Variants in IL1RAPL1 observed in about 807,000 individuals in gnomAD.
IL1RAPL1 encodes interleukin-1 receptor accessory protein-like 1.
A neutral mutation model predicts 48.4 loss-of-function variants in IL1RAPL1; 3 were observed. The observed-to-expected ratio is 0.06, with a 90% CI of 0.03 to 0.16. The LOEUF is 0.16. Among genes scored for constraint, IL1RAPL1 ranks in the 10% least tolerant of loss-of-function variants. The pLI is 1.00. For missense variants in IL1RAPL1, 349 were observed against 530.6 expected, an observed-to-expected ratio of 0.66 and a Z score of 3.36; for synonymous variants, 185 against 187.7, an observed-to-expected ratio of 0.99 and a Z score of 0.12.
chrX:28,871,205 C>T (rs1030316350), intron 2 of IL1RAPL1, among the ~76,000 whole-genome samples: 18 of 111,163 alleles, frequency 1.6e-4, no homozygotes, highest in Non-Finnish European at 7.6e-5. Context: ...GGAACATAAC[C>T]GTAAAAGGAA....
intron 5 of IL1RAPL1, among the ~76,000 whole-genome samples, chrX:29,537,500 A>G (rs1921271491): frequency 9.1e-6 from 1 of 109,909 alleles, no homozygotes; most frequent in African/African-American, 3.3e-5. Flanking sequence ...AATAACAAGC[A>G]TACAAGATCT....
intron 1 of IL1RAPL1, among the ~76,000 whole-genome samples, chrX:28,616,961 T>C (rs928905048): frequency 3.6e-5 from 4 of 112,145 alleles, no homozygotes; most frequent in African/African-American, 1.3e-4. Flanking sequence ...TATTCAAAAA[T>C]TGTGAAACTT....
At chrX:28,647,103 A>ACTT (rs1934621721) in intron 1 of IL1RAPL1, among the ~76,000 whole-genome samples, 1 of 112,019 alleles carries the variant, frequency 8.9e-6, no homozygotes, top group South Asian at 3.7e-4. Flanking sequence ...CTCAGAATTG[A>ACTT]TTCTTCTTCA....
At chrX:28,767,001 T>C (rs6526799) in intron 1 of IL1RAPL1, among the ~76,000 whole-genome samples, 51,725 of 110,368 alleles carry the variant, frequency 0.47, 8,763 homozygotes, top group Middle Eastern at 0.63. Flanking sequence ...GCAACAAACA[T>C]AGGAATGTAG....
chrX:29,148,876 G>A (rs930732733), intron 2 of IL1RAPL1, among the ~76,000 whole-genome samples: 10 of 111,389 alleles, frequency 9.0e-5, no homozygotes, highest in Non-Finnish European at 1.9e-4. Flanking sequence ...TGTGTTCAAC[G>A]TACCCAGATA....
chrX:28,748,420 G>A (rs775116563), intron 1 of IL1RAPL1, among the ~76,000 whole-genome samples: 2 of 111,644 alleles, frequency 1.8e-5, no homozygotes, highest in African/African-American at 6.5e-5. Context: ...ATTTCCATGT[G>A]TTTGGAAAAA....
At chrX:29,345,106 C>T (rs1405157300) in intron 3 of IL1RAPL1, among the ~76,000 whole-genome samples, 1 of 112,589 alleles carries the variant, frequency 8.9e-6, no homozygotes, top group Non-Finnish European at 1.9e-5. Flanking sequence ...CCAAATGTTT[C>T]ACCATTACAA....
At chrX:29,375,329 G>GT (rs1223841942) in intron 3 of IL1RAPL1, among the ~76,000 whole-genome samples, 44 of 108,867 alleles carry the variant, frequency 4.0e-4, no homozygotes, top group African/African-American at 1.3e-3. Flanking sequence ...GCCTGGCTAG[G>GT]TTTTTTTTGT....
intron 1 of IL1RAPL1, among the ~76,000 whole-genome samples, chrX:28,720,237 C>T (rs1198990993): frequency 4.5e-5 from 5 of 110,901 alleles, no homozygotes; most frequent in Non-Finnish European, 5.7e-5. Flanking sequence ...TCTTGTCCAG[C>T]CTACCCAGCT....
At chrX:28,984,880 A>T (rs758022018) in intron 2 of IL1RAPL1, among the ~76,000 whole-genome samples, 1 of 112,061 alleles carries the variant, frequency 8.9e-6, no homozygotes, top group African/African-American at 3.2e-5. Flanking sequence ...TACGAATTTC[A>T]TGAGGCCTCT....
intron 6 of IL1RAPL1, among the ~76,000 whole-genome samples, chrX:29,885,197 C>T (rs1293308574): frequency 8.9e-6 from 1 of 111,880 alleles, no homozygotes; most frequent in Non-Finnish European, 1.9e-5. Context: ...ATCCTCCTGG[C>T]TAACTCCCTC....
At chrX:28,721,551 G>T (rs1267741291) in intron 1 of IL1RAPL1, among the ~76,000 whole-genome samples, 22 of 110,635 alleles carry the variant, frequency 2.0e-4, no homozygotes, top group East Asian at 2.9e-4. Context: ...GGTTGCCTGT[G>T]CACTCTGATG....
chrX:29,655,010 C>A lies in IL1RAPL1; in HGVS notation c.704-13420C>A, dbSNP rs780072956. ...TTTGGTTACAGCATTAAAGGGGCTT[C>A]TAGAATGCTTACCTTTTTTCAGTCC... On this transcript the variant is annotated intron_variant, in intron 5 of 10. Coordinates refer to ENST00000378993, the MANE Select transcript of IL1RAPL1 (RefSeq NM_014271.4). 9.0e-5 allele frequency among the ~76,000 whole-genome samples: 10 copies of A among 111,518 alleles called. No homozygotes were observed. The South Asian group carries it at 3.8e-3, about 42-fold the overall frequency.
At chrX:28,880,618 A>G (rs750327324) in intron 2 of IL1RAPL1, among the ~76,000 whole-genome samples, 1 of 112,238 alleles carries the variant, frequency 8.9e-6, no homozygotes, top group Non-Finnish European at 1.9e-5. Context: ...GTAACTTTTA[A>G]TACTGTTTCC....
intron 6 of IL1RAPL1, among the ~76,000 whole-genome samples, chrX:29,893,310 A>ACAT (rs766878306): frequency 8.9e-6 from 1 of 111,770 alleles, no homozygotes; most frequent in African/African-American, 3.2e-5. Context: ...TTCTATTTTG[A>ACAT]CATAGATTTA....
chrX:29,396,580 C>T (rs767921741), intron 4 of IL1RAPL1, 136 bp downstream of exon 4: 32 of 561,880 alleles, frequency 5.7e-5, no homozygotes, highest in Non-Finnish European at 8.8e-5. Flanking sequence ...GCAAGTTGTA[C>T]TGGTCATTAT....
chrX:29,046,644 C>T (rs1407879527), intron 2 of IL1RAPL1, among the ~76,000 whole-genome samples: 1 of 111,870 alleles, frequency 8.9e-6, no homozygotes, highest in Non-Finnish European at 1.9e-5. Flanking sequence ...CATCCTGCCC[C>T]TACCTCCAGT....
intron 3 of IL1RAPL1, among the ~76,000 whole-genome samples, chrX:29,373,287 AGTT>A (rs1448267806): frequency 8.9e-6 from 1 of 111,817 alleles, no homozygotes; most frequent in Non-Finnish European, 1.9e-5. Context: ...ACTTTACTGA[AGTT>A]GTTTATCAGT....
intron 6 of IL1RAPL1, among the ~76,000 whole-genome samples, chrX:29,750,485 C>T (rs997152835): frequency 9.0e-6 from 1 of 110,985 alleles, no homozygotes; most frequent in Admixed American, 9.7e-5. Context: ...CATTTTTAGT[C>T]ATTACAAATA....
Sources: gnomAD v4.1 joint callset for allele counts (sites outside exome capture counted in the v4.1 genomes callset) on GRCh38, gnomAD v4.1.1 for gene constraint, MANE v1.5 for transcripts, NCBI Gene and HGNC (gene_info 2026-07-23, HGNC 2026-07-21) for gene names.